ADAMTSL1: variants seen among roughly 807,000 people sequenced by gnomAD.
ADAMTSL1 encodes ADAMTS-like protein 1.
ADAMTSL1 carries 126 observed loss-of-function variants against 201.8 expected under a neutral mutation model. The observed-to-expected ratio is 0.62, with a 90% confidence interval of 0.54 to 0.72. ADAMTSL1 has a LOEUF of 0.72. Among genes scored for constraint, ADAMTSL1 ranks in the 30% least tolerant of loss-of-function variants. ADAMTSL1 has a pLI of 0.00. For missense variants in ADAMTSL1, 2,679 were observed against 2,277.8 expected, an observed-to-expected ratio of 1.18 and a Z score of -3.59; for synonymous variants, 1,121 against 903.4, an observed-to-expected ratio of 1.24 and a Z score of -4.32.
intron 2 of ADAMTSL1, among the ~76,000 whole-genome samples, chr9:18,166,700 A>G (rs919613866): frequency 9.9e-5 from 15 of 151,954 alleles, no homozygotes; most frequent in African/African-American, 3.4e-4. Context: ...AAGTACTGCT[A>G]TTCTAAGGGC....
intron 2 of ADAMTSL1, among the ~76,000 whole-genome samples, chr9:18,224,476 A>G (rs1222561574): frequency 2.0e-5 from 3 of 152,168 alleles, no homozygotes; most frequent in African/African-American, 4.8e-5. Flanking sequence ...TTACATTTCA[A>G]TATGAATTTT....
At chr9:18,422,674 A>G (rs889854985) in intron 2 of ADAMTSL1, among the ~76,000 whole-genome samples, 1 of 152,142 alleles carries the variant, frequency 6.6e-6, no homozygotes, top group Non-Finnish European at 1.5e-5. Flanking sequence ...ACCCTTCAAG[A>G]GCCCACTGAC....
At position 18,176,965 on chromosome 9, in the gene ADAMTSL1, G is replaced by C. The variant is rs909656377; in HGVS notation, c.207+12984G>C. 2.0e-5 allele frequency among the ~76,000 whole-genome samples: 3 copies of C among 152,176 alleles called. No individual in the cohort carries two copies. The South Asian group carries it at 6.2e-4, about 32-fold the overall frequency. ...GAAGCAGGTTCAAAGGAGTTGATGAGCACAGAAAATTTCAGGTAGACATTA... is the reference window on the plus strand; with the variant it reads ...GAAGCAGGTTCAAAGGAGTTGATGACCACAGAAAATTTCAGGTAGACATTA... On this transcript the variant is annotated intron_variant, in intron 2 of 29. Coordinates refer to the ADAMTSL1 transcript ENST00000680146.
intron 2 of ADAMTSL1, among the ~76,000 whole-genome samples, chr9:18,257,571 A>C (rs115933709): frequency 1.3e-5 from 2 of 152,216 alleles, no homozygotes; most frequent in African/African-American, 4.8e-5. Flanking sequence ...ATCTTCGTGC[A>C]TTGCTGTTGG....
chr9:18,072,522 C>A (rs1168758322), intron 1 of ADAMTSL1, among the ~76,000 whole-genome samples: 1 of 152,200 alleles, frequency 6.6e-6, no homozygotes, highest in Non-Finnish European at 1.5e-5. Flanking sequence ...TGTGTGTACA[C>A]ATACACACAC....
In ADAMTSL1 at chr9:18,512,595, C is replaced by T. The variant is rs559445166; in HGVS notation, c.191+7639C>T. ...AATTAAGGATAGAAATCCCAAAGGGCCAGAGTCTCAAGAATTTACCAAATT... is the reference window on the plus strand; with the variant it reads ...AATTAAGGATAGAAATCCCAAAGGGTCAGAGTCTCAAGAATTTACCAAATT... On this transcript the variant is annotated intron_variant, in intron 2 of 28. Transcript: ENST00000380548. 8.5e-5 allele frequency among the ~76,000 whole-genome samples: 13 copies of T among 152,128 alleles called. No individual in the cohort carries two copies. In the East Asian group the frequency reaches 2.5e-3, roughly 29 times the overall value.
chr9:18,298,819 C>G (rs1039989690), intron 2 of ADAMTSL1, among the ~76,000 whole-genome samples: 12 of 151,606 alleles, frequency 7.9e-5, no homozygotes, highest in Non-Finnish European at 1.6e-4. Flanking sequence ...GTCAGGAGAT[C>G]GAGACCACGG....
At chr9:18,483,981 T>A (rs1273856920) in intron 1 of ADAMTSL1, among the ~76,000 whole-genome samples, 1 of 152,242 alleles carries the variant, frequency 6.6e-6, no homozygotes, top group Non-Finnish European at 1.5e-5. Context: ...TTATCTTGTT[T>A]CCCTATTAAT....
intron 2 of ADAMTSL1, among the ~76,000 whole-genome samples, chr9:18,391,751 A>G (rs919503405): frequency 5.9e-5 from 9 of 152,004 alleles, no homozygotes; most frequent in African/African-American, 2.2e-4. Context: ...AGAAAAGACA[A>G]TGAAGACTCA....
intron 7 of ADAMTSL1, among the ~76,000 whole-genome samples, chr9:18,652,465 C>A (rs1490778815): frequency 6.6e-6 from 1 of 151,388 alleles, no homozygotes; most frequent in East Asian, 1.9e-4. Context: ...CCTCTACTTA[C>A]AATAACCAAC....
At chr9:18,742,309 T>A (rs939414841) in intron 15 of ADAMTSL1, among the ~76,000 whole-genome samples, 1 of 152,180 alleles carries the variant, frequency 6.6e-6, no homozygotes, top group African/African-American at 2.4e-5. Context: ...AATCAGTAAA[T>A]AGAGACATTT....
At chr9:17,917,416 T>C (rs1826139191) in intron 1 of ADAMTSL1, among the ~76,000 whole-genome samples, 1 of 152,048 alleles carries the variant, frequency 6.6e-6, no homozygotes, top group Non-Finnish European at 1.5e-5. Flanking sequence ...TTGCTGAGTG[T>C]TTTTATCAGA....
At chr9:18,244,021 A>G (rs79762362) in intron 2 of ADAMTSL1, among the ~76,000 whole-genome samples, 1,829 of 151,862 alleles carry the variant, frequency 0.012, 46 homozygotes, top group African/African-American at 0.042. Context: ...TCCTTTTTTT[A>G]CCAACTGCTA....
At chr9:18,156,663 T>C (rs1481474140) in intron 1 of ADAMTSL1, among the ~76,000 whole-genome samples, 1 of 130,994 alleles carries the variant, frequency 7.6e-6, no homozygotes, top group Admixed American at 7.9e-5. Flanking sequence ...CACACACACA[T>C]GCTTTGAAGA....
chr9:18,190,002 A>G (rs973373788), intron 2 of ADAMTSL1, among the ~76,000 whole-genome samples: 1 of 152,218 alleles, frequency 6.6e-6, no homozygotes, highest in African/African-American at 2.4e-5. Context: ...GGTTGTCATA[A>G]TGAATCTATC....
At chr9:18,819,666 C>T (rs943133401) in intron 21 of ADAMTSL1, among the ~76,000 whole-genome samples, 1 of 152,156 alleles carries the variant, frequency 6.6e-6, no homozygotes, top group African/African-American at 2.4e-5. Flanking sequence ...ATAGTGAGAA[C>T]CTGATATACC....
intron 2 of ADAMTSL1, among the ~76,000 whole-genome samples, chr9:18,399,516 A>AT (rs11422941): frequency 0.42 from 61,234 of 147,270 alleles, 13,311 homozygotes; most frequent in African/African-American, 0.54. Context: ...TGATTTTTAT[A>AT]TTTTTTTGTA....
intron 4 of ADAMTSL1, among the ~76,000 whole-genome samples, chr9:18,577,251 T>C (rs978208645): frequency 1.3e-5 from 2 of 152,132 alleles, no homozygotes; most frequent in Non-Finnish European, 2.9e-5. Flanking sequence ...TTTGGTAGGC[T>C]GAGGAGGGCG....
chr9:18,098,913 C>T (rs1328667590), intron 1 of ADAMTSL1, among the ~76,000 whole-genome samples: 1 of 152,134 alleles, frequency 6.6e-6, no homozygotes, highest in Non-Finnish European at 1.5e-5. Context: ...CAGGTCAATT[C>T]TGGGGCTCAC....
Sources: allele counts gnomAD v4.1 joint callset (sites outside exome capture counted in the v4.1 genomes callset), GRCh38; gene constraint gnomAD v4.1.1; transcripts MANE v1.5; gene names NCBI Gene and HGNC (gene_info 2026-07-23, HGNC 2026-07-21).